The following PCCA variants were observed in gnomAD, a reference collection of about 807,000 sequenced individuals.
The protein encoded by PCCA is propionyl-CoA carboxylase subunit alpha.
A neutral mutation model predicts 101.3 loss-of-function variants in PCCA; 74 were observed. The observed-to-expected ratio is 0.73, with a 90% CI of 0.61 to 0.89. The LOEUF (loss-of-function observed/expected upper bound fraction) is 0.89, where lower values mean the gene tolerates loss of function less well. Among genes scored for constraint, PCCA ranks in the 40% least tolerant of loss-of-function variants. PCCA has a pLI of 0.00. For missense variants in PCCA, 891 were observed against 907.0 expected (o/e 0.98, Z 0.23); for synonymous variants, 294 against 313.6 (o/e 0.94, Z 0.66).
At chr13:100,287,787 A>G (rs1192050359) in intron 12 of PCCA, among the ~76,000 whole-genome samples, 1 of 145,440 alleles carries the variant, frequency 6.9e-6, no homozygotes, top group African/African-American at 2.5e-5. Context: ...TGAGTTCTTT[A>G]TTTTGATTTG....
chr13:100,250,507 T>C (rs897464643), intron 8 of PCCA, among the ~76,000 whole-genome samples: 3 of 152,096 alleles, frequency 2.0e-5, no homozygotes, highest in Non-Finnish European at 4.4e-5. Flanking sequence ...TTTTTTCTTA[T>C]TTATCTCATC....
chr13:100,257,576 A>C lies in PCCA; in HGVS notation c.638-19A>C. Reference sequence around the variant, plus strand: ...ATGATCAAAGTCTGAACTTCTGTCTAATTCTTCCCTGCTGTTAGGCTACCC... The same window carrying C: ...ATGATCAAAGTCTGAACTTCTGTCTCATTCTTCCCTGCTGTTAGGCTACCC... On this transcript the variant is annotated intron_variant, in intron 8 of 23. Transcript: ENST00000376285. 6.3e-7 allele frequency: 1 copy of C among 1,595,048 alleles called. No individual in the cohort carries two copies. The highest frequency in any genetic ancestry group is 8.6e-7 in the Non-Finnish European group (1 of 1,163,842).
intron 21 of PCCA, among the ~76,000 whole-genome samples, chr13:100,452,621 A>G (rs978752064): frequency 6.6e-6 from 1 of 151,306 alleles, no homozygotes; most frequent in African/African-American, 2.5e-5. Context: ...TCTTTCCAAC[A>G]TCTTATTCCC....
intron 21 of PCCA, among the ~76,000 whole-genome samples, chr13:100,472,819 G>T (rs1278924473): frequency 6.6e-6 from 1 of 151,948 alleles, no homozygotes; most frequent in Non-Finnish European, 1.5e-5. Flanking sequence ...CTTGGGAGAG[G>T]CAGTGTCTTT....
Position 100,329,359 on chromosome 13 carries a change from C to A in PCCA, c.1430-1202C>A, listed in dbSNP as rs578192392. On this transcript the variant is annotated intron_variant, in intron 16 of 23. Coordinates refer to ENST00000376285, the MANE Select transcript of PCCA (RefSeq NM_000282.4). ...GTTTGGCCCAGGAACTGCTAATGAA[C>A]GTACCGTGCAGTGATGGTTCAAGAA... is the stretch of plus-strand genomic sequence containing the variant. Among the ~76,000 whole-genome samples the A allele has an allele frequency of 3.3e-5, 5 of 152,238 alleles. No individual in the cohort carries two copies. The South Asian group carries it at 1.0e-3, about 32-fold the overall frequency.
chr13:100,215,262 A>T (rs890331913), intron 7 of PCCA, among the ~76,000 whole-genome samples: 4 of 152,192 alleles, frequency 2.6e-5, no homozygotes, highest in Non-Finnish European at 4.4e-5. Context: ...TTATTCATTC[A>T]TCTATTCAGT....
intron 21 of PCCA, among the ~76,000 whole-genome samples, chr13:100,464,823 G>C (rs988126567): frequency 6.6e-6 from 1 of 152,188 alleles, no homozygotes; most frequent in African/African-American, 2.4e-5. Flanking sequence ...AAACTGTGCT[G>C]CTTAAAATAT....
At chr13:100,099,377 G>A (rs1454870045) in intron 1 of PCCA, among the ~76,000 whole-genome samples, 1 of 149,954 alleles carries the variant, frequency 6.7e-6, no homozygotes, top group Non-Finnish European at 1.5e-5. Flanking sequence ...GAGTGCAGTG[G>A]CGTGATCTCG....
chr13:100,276,705 T>G (rs1442992023), intron 12 of PCCA, among the ~76,000 whole-genome samples: 1 of 152,212 alleles, frequency 6.6e-6, no homozygotes. Context: ...TGATTTCAAT[T>G]GTTTATATTT....
At chr13:100,276,525 C>T (rs558108531) in intron 12 of PCCA, among the ~76,000 whole-genome samples, 4 of 152,198 alleles carry the variant, frequency 2.6e-5, no homozygotes, top group African/African-American at 9.6e-5. Flanking sequence ...CTGGAACAAT[C>T]TCACATACAC....
intron 21 of PCCA, among the ~76,000 whole-genome samples, chr13:100,514,127 C>G (rs893426907): frequency 6.6e-6 from 1 of 152,196 alleles, no homozygotes. Flanking sequence ...TTTATTTGCA[C>G]TGTAATTTCA....
chr13:100,246,734 T>C (rs1025303325), intron 8 of PCCA, among the ~76,000 whole-genome samples: 2 of 152,166 alleles, frequency 1.3e-5, no homozygotes, highest in Non-Finnish European at 2.9e-5. Context: ...CATTTAAAAA[T>C]CTTTCAGATT....
intron 19 of PCCA, among the ~76,000 whole-genome samples, chr13:100,405,456 A>G (rs754116509): frequency 9.9e-5 from 15 of 152,236 alleles, no homozygotes; most frequent in Non-Finnish European, 2.1e-4. Context: ...GTTTTGGAAC[A>G]TAATTTCTCT....
intron 16 of PCCA, among the ~76,000 whole-genome samples, chr13:100,314,252 A>AG (rs2067155928): frequency 6.6e-6 from 1 of 152,140 alleles, no homozygotes; most frequent in Non-Finnish European, 1.5e-5. Flanking sequence ...AACCCAGTGG[A>AG]GGAGATGCAC....
intron 21 of PCCA, among the ~76,000 whole-genome samples, chr13:100,467,250 G>A (rs945862344): frequency 2.6e-5 from 4 of 152,184 alleles, no homozygotes; most frequent in African/African-American, 9.7e-5. Flanking sequence ...AGAGCAATTT[G>A]ATGGGACAAA....
intron 7 of PCCA, among the ~76,000 whole-genome samples, chr13:100,213,141 A>G (rs189418828): frequency 1.4e-4 from 22 of 152,270 alleles, no homozygotes; most frequent in African/African-American, 4.6e-4. Context: ...TCGTCTGTTG[A>G]TGGACATTTA....
chr13:100,357,720 G>T (rs191978590), intron 18 of PCCA, among the ~76,000 whole-genome samples: 1 of 152,210 alleles, frequency 6.6e-6, no homozygotes, highest in Non-Finnish European at 1.5e-5. Flanking sequence ...GCACATTTAT[G>T]TGGCTTTTCC....
At chr13:100,511,707 G>A (rs184624817) in intron 21 of PCCA, among the ~76,000 whole-genome samples, 4 of 152,312 alleles carry the variant, frequency 2.6e-5, no homozygotes, top group African/African-American at 9.6e-5. Flanking sequence ...TGGCACTGGA[G>A]GCTTTGAAAT....
At chr13:100,449,169 A>T in intron 20 of PCCA, 83 bp from the exon 21 acceptor site, 1 of 761,278 alleles carries the variant, frequency 1.3e-6, no homozygotes, top group Non-Finnish European at 2.2e-6. Flanking sequence ...GTTGATGGAC[A>T]TTTGGGTTTT....
Sources: allele counts gnomAD v4.1 joint callset (sites outside exome capture counted in the v4.1 genomes callset), GRCh38; gene constraint gnomAD v4.1.1; transcripts MANE v1.5; gene names NCBI Gene and HGNC (gene_info 2026-07-23, HGNC 2026-07-21).